The following C17orf113 variants were observed in gnomAD, a reference collection of about 807,000 sequenced individuals.
The protein encoded by C17orf113 is chromosome 17 open reading frame 113.
In C17orf113, 5 loss-of-function variants were observed where a neutral mutation model predicts 11.6. The ratio of observed to expected loss-of-function variants is 0.43; its 90% CI spans 0.23 to 0.91. The LOEUF (loss-of-function observed/expected upper bound fraction) is 0.91, where lower values mean the gene tolerates loss of function less well. Ranked by LOEUF, C17orf113 falls within the 40% of genes least tolerant of loss-of-function variation. C17orf113 has a pLI of 0.26. For missense variants in C17orf113, 714 were observed against 841.3 expected (o/e 0.85, Z 1.87); for synonymous variants, 327 against 390.6 (o/e 0.84, Z 1.92).
chr17:42,044,722 A>G (rs1383976513), intron 1 of C17orf113, among the ~76,000 whole-genome samples: 1 of 152,114 alleles, frequency 6.6e-6, no homozygotes, highest in African/African-American at 2.4e-5. Flanking sequence ...ACACAGGTGA[A>G]CACACACTCA....
rs1185546090 is a variant in C17orf113, at chr17:42,039,161, G to T, written c.*544C>A. Reference sequence around the variant, plus strand: ...AGCTACTCAGGAGGCTGAGGCAGGAGAATTGCTTGAACCCAGGAGGCAGAG... The same window carrying T: ...AGCTACTCAGGAGGCTGAGGCAGGATAATTGCTTGAACCCAGGAGGCAGAG... On this transcript the variant is annotated 3_prime_UTR_variant, in exon 3 of 3. Transcript: ENST00000587304. The T allele has an allele frequency of 6.6e-6, 1 of 152,170 alleles. No individual in the cohort carries two copies. The highest frequency in any genetic ancestry group is 2.4e-5 in the African/African-American group (1 of 41,376). 9.4% of individuals were successfully genotyped at this position (152,170 alleles called of 1,614,324 possible).
At position 42,043,368 on chromosome 17, in the gene C17orf113, G is replaced by C; in HGVS notation, c.9C>G (p.Pro3=). The part of the protein sequence containing the change: MV[P]PGKKPAGEAS... ...CCTCTCCCGCTGGTTTCTTCCCTGGGGGCACCATTCTTGCTCTCTCAGCAA... is the reference window on the plus strand; with the variant it reads ...CCTCTCCCGCTGGTTTCTTCCCTGGCGGCACCATTCTTGCTCTCTCAGCAA... Residue 3 remains proline, a synonymous_variant, in exon 2 of 3, where the codon CCC becomes CCG. Transcript: ENST00000587304. 2 of 1,232,214 alleles carry C rather than the reference G, an allele frequency of 1.6e-6. No individual in the cohort carries two copies. The highest frequency in any genetic ancestry group is 2.0e-6 in the Non-Finnish European group (2 of 988,034). 76.3% of individuals were successfully genotyped at this position (1,232,214 alleles called of 1,614,324 possible).
chr17:42,042,324 C>A (rs564178776), intron 2 of C17orf113, among the ~76,000 whole-genome samples: 1 of 152,258 alleles, frequency 6.6e-6, no homozygotes, highest in South Asian at 2.1e-4. Flanking sequence ...GAGTTCGAAA[C>A]TGGCCTGGCC....
rs1430281966 is a variant in C17orf113, at chr17:42,043,253, G to A, written c.124C>T (p.Leu42=). ...TGGCGGCACTCGAGGCAGAACATCA[G>A]CTTCCGCTCATAGTCAAAGTCCAGC... The part of the protein sequence containing the change: ...TWLDFDYERK[L]MFCLECRQAL... The change falls in exon 2 of 3, where the codon CTG becomes TTG. Residue 42 remains leucine, a synonymous_variant. Coordinates refer to ENST00000587304, the MANE Select transcript of C17orf113 (RefSeq NM_001358661.2). 1.6e-6 allele frequency: 2 copies of A among 1,232,172 alleles called. No homozygotes were observed. Among genetic ancestry groups the A allele is most frequent in the Non-Finnish European group, 2.0e-6 (2 of 988,046 alleles). 76.3% of individuals were successfully genotyped at this position (1,232,172 alleles called of 1,614,324 possible). A position where few individuals can be genotyped will look rare whatever the true frequency, so the allele number is the denominator to read the frequency against.
intron 2 of C17orf113, 112 bp downstream of exon 2, chr17:42,042,722 G>A (rs1197815615): frequency 3.8e-6 from 3 of 786,470 alleles, no homozygotes; most frequent in Non-Finnish European, 5.2e-6. Context: ...GTGAAGATAT[G>A]AATGAAATGC....
chr17:42,049,788 C>G (rs1178561974), intron 1 of C17orf113, among the ~76,000 whole-genome samples: 1 of 152,264 alleles, frequency 6.6e-6, no homozygotes, highest in South Asian at 2.1e-4. Flanking sequence ...TAAAACGGCT[C>G]TGTCCAACAC....
rs1253274000 is a variant in C17orf113, at chr17:42,040,493, G to C, written c.1240C>G (p.Leu414Val). 1.1e-5 allele frequency: 13 copies of C among 1,232,396 alleles called. No homozygotes were observed. The highest frequency in any genetic ancestry group is 1.3e-5 in the Non-Finnish European group (13 of 988,142). 76.3% of individuals were successfully genotyped at this position (1,232,396 alleles called of 1,614,324 possible). A position where few individuals can be genotyped will look rare whatever the true frequency, so the allele number is the denominator to read the frequency against. The stretch of plus-strand genomic sequence containing the variant: ...TCTTCTGCCTGCAGGACAAGGGAGA[G>C]CTTCTGCACAGAGGGCAGGGCATCC... ...LLDALPSVQK[L>V]SLVLQAEEPD... The change falls in exon 3 of 3, where the codon CTC becomes GTC. Residue 414 changes from leucine (L) to valine (V), a missense_variant. This residue lies in a region of C17orf113 where 516 missense variants were observed against 626.6 expected (regional missense o/e 0.82). Transcript: ENST00000587304.
intron 2 of C17orf113, among the ~76,000 whole-genome samples, chr17:42,041,958 C>A (rs551183662): frequency 3.3e-5 from 5 of 152,304 alleles, no homozygotes; most frequent in African/African-American, 1.2e-4. Flanking sequence ...TGCTTTTCAA[C>A]ACAAGTCACA....
At chr17:42,048,019 G>T (rs535209159) in intron 1 of C17orf113, among the ~76,000 whole-genome samples, 2 of 152,076 alleles carry the variant, frequency 1.3e-5, no homozygotes, top group South Asian at 4.2e-4. Flanking sequence ...TTTTCTCTTG[G>T]CTTCTAGGAT....
intron 2 of C17orf113, 84 bp from the exon 3 acceptor site, chr17:42,041,273 A>G: frequency 8.6e-7 from 1 of 1,157,554 alleles, no homozygotes; most frequent in Non-Finnish European, 1.1e-6. Flanking sequence ...GGGGTGGTGG[A>G]AAGAGCCCAG....
rs1211006718 is a variant in C17orf113 at position 42,041,140 on chromosome 17, G to T, written c.593C>A (p.Ala198Glu). The stretch of plus-strand genomic sequence containing the variant: ...CAACACCAGCCCCACATATGGGGAT[G>T]CCTTCAGGCGCTGGCAGGCCTCTGT... ...LHTEACQRLK[A>E]SPYVGLVLDE... is the part of the protein sequence containing the mutation. Residue 198 changes from alanine (A) to glutamate (E), a missense_variant, in exon 3 of 3, where the codon GCA (alanine) becomes GAA (glutamate). Ala to Glu is a moderately radical substitution (Grantham distance 107). Around this residue, in one of 3 missense-constraint regions of C17orf113, gnomAD observed 516 missense variants for 626.6 expected, o/e 0.82. Transcript: ENST00000587304. 7.3e-6 allele frequency: 9 copies of T among 1,232,216 alleles called. No individual in the cohort carries two copies. The highest frequency in any genetic ancestry group is 9.1e-6 in the Non-Finnish European group (9 of 988,082). The allele number at this position is 1,232,216 out of a possible 1,614,324, so 76.3% of individuals were successfully genotyped here. A position where few individuals can be genotyped will look rare whatever the true frequency, so the allele number is the denominator to read the frequency against.
chr17:42,039,729 G>A lies in C17orf113; in HGVS notation c.2004C>T (p.Gly668=). 1 of 1,232,538 alleles carries A rather than the reference G, an allele frequency of 8.1e-7. No homozygotes were observed. Among genetic ancestry groups the A allele is most frequent in the South Asian group, 4.1e-5 (1 of 24,328 alleles). The allele number at this position is 1,232,538 out of a possible 1,614,324, so 76.4% of individuals were successfully genotyped here. A position where few individuals can be genotyped will look rare whatever the true frequency, so the allele number is the denominator to read the frequency against. The change falls in exon 3 of 3, where the codon GGC becomes GGT. Residue 668 remains glycine (G), a synonymous_variant. Transcript: ENST00000587304. ...CTCAGGTGAGCTGCGACCCCAGGAA[G>A]CCCTCTCCCCACCCACTCTCTAAGA... ...VEFLESGWGE[G]FLGSQLT is the part of the protein sequence containing the mutation.
At chr17:42,049,368 C>A (rs1555656903) in intron 1 of C17orf113, among the ~76,000 whole-genome samples, 2 of 152,042 alleles carry the variant, frequency 1.3e-5, no homozygotes, top group African/African-American at 4.8e-5. Flanking sequence ...TCTCTCCACC[C>A]CCCTTCTCAT....
chr17:42,044,918 C>CATT (rs561043687), intron 1 of C17orf113, among the ~76,000 whole-genome samples: 1 of 132,616 alleles, frequency 7.5e-6, no homozygotes. Context: ...CCAACTCTAC[C>CATT]TTTTTTTTTT....
intron 1 of C17orf113, among the ~76,000 whole-genome samples, chr17:42,043,905 G>A (rs1555656363): frequency 3.9e-5 from 6 of 152,048 alleles, no homozygotes; most frequent in East Asian, 1.9e-4. Context: ...CTGGAGACAG[G>A]TAGTGGTTCT....
In C17orf113 at chr17:42,040,193, C is replaced by T; in HGVS notation, c.1540G>A (p.Val514Met). 3 of 1,231,564 alleles carry T rather than the reference C, an allele frequency of 2.4e-6. No individual in the cohort carries two copies. Among genetic ancestry groups the T allele is most frequent in the South Asian group, 4.1e-5 (1 of 24,318 alleles). 76.3% of individuals were successfully genotyped at this position (1,231,564 alleles called of 1,614,324 possible). A position where few individuals can be genotyped will look rare whatever the true frequency, so the allele number is the denominator to read the frequency against. The change falls in exon 3 of 3, where the codon GTG (valine) becomes ATG (methionine). Residue 514 changes from valine (V) to methionine (M), a missense_variant. By Grantham distance (21) the Val-to-Met change is conservative (BLOSUM62 1). This residue lies in a region of C17orf113 where 516 missense variants were observed against 626.6 expected (regional missense o/e 0.82). Coordinates refer to ENST00000587304, the MANE Select transcript of C17orf113 (RefSeq NM_001358661.2). ...DSYPGPSLDA[V>M]AAFAAIFDPR... The stretch of plus-strand genomic sequence containing the variant: ...TCGAAGATCGCTGCGAAGGCGGCCA[C>T]GGCGTCCAGCGAAGGCCCGGGGTAG...
chr17:42,041,252 G>A (rs1464344947), intron 2 of C17orf113, 63 bp from the exon 3 acceptor site: 1 of 1,218,968 alleles, frequency 8.2e-7, no homozygotes, highest in Non-Finnish European at 1.0e-6. Context: ...AGAGGCGGAG[G>A]CAGGCAGTGC....
At position 42,042,862 on chromosome 17, in the gene C17orf113, T is replaced by C; in HGVS notation, c.515A>G (p.Tyr172Cys). 1 of 1,232,290 alleles carries C rather than the reference T, an allele frequency of 8.1e-7. No homozygotes were observed. The highest frequency in any genetic ancestry group is 4.1e-5 in the South Asian group (1 of 24,322). The allele number at this position is 1,232,290 out of a possible 1,614,324, so 76.3% of individuals were successfully genotyped here. Residue 172 changes from tyrosine to cysteine, a missense_variant, in exon 2 of 3, where the codon TAC (tyrosine) becomes TGC (cysteine). By Grantham distance (194) the Tyr-to-Cys change is radical (BLOSUM62 -2). This residue lies in a region of C17orf113 where 516 missense variants were observed against 626.6 expected (regional missense o/e 0.82). Coordinates refer to ENST00000587304, the MANE Select transcript of C17orf113 (RefSeq NM_001358661.2). The stretch of plus-strand genomic sequence containing the variant: ...CATGTCCCTCACCCTCCTGGGACTG[T>C]AGTAATCGCCATGCTCTGTGCCCAG... ...ALLGTEHGDY[Y>C]SPRRVRDMQV...
chr17:42,039,965 G>T lies in C17orf113; in HGVS notation c.1768C>A (p.Leu590Met), dbSNP rs1555655926. The T allele has an allele frequency of 8.1e-7, 1 of 1,231,122 alleles. No homozygotes were observed. The highest frequency in any genetic ancestry group is 1.0e-6 in the Non-Finnish European group (1 of 987,524). The allele number at this position is 1,231,122 out of a possible 1,614,324, so 76.3% of individuals were successfully genotyped here. A position where few individuals can be genotyped will look rare whatever the true frequency, so the allele number is the denominator to read the frequency against. ...GCGAAGTCGGGGAAGAGCTCGTGCA[G>T]CTCCGAGTGCGCGCACGCCAGCTGG... ...CTQLACAHSELHELFPDFAAL... is the reference protein window; with the variant it reads ...CTQLACAHSEMHELFPDFAAL... Residue 590 changes from leucine (L) to methionine (M), a missense_variant, in exon 3 of 3, where the codon CTG (leucine) becomes ATG (methionine). By Grantham distance (15) the Leu-to-Met change is conservative. Transcript: ENST00000587304.
Sources: gnomAD v4.1 joint callset for allele counts (sites outside exome capture counted in the v4.1 genomes callset) on GRCh38, gnomAD v4.1.1 for gene constraint, gnomAD v4.1.1 regional missense constraint, MANE v1.5 for transcripts, NCBI Gene and HGNC (gene_info 2026-07-23, HGNC 2026-07-21) for gene names.